The following PCGF3 variants were observed in gnomAD, a reference collection of about 807,000 sequenced individuals.
PCGF3 encodes the protein polycomb group RING finger protein 3.
Under a neutral mutation model 33.1 loss-of-function variants are expected in PCGF3, and 7 were observed. That is an observed-to-expected ratio of 0.21 (90% CI 0.12 to 0.40). The LOEUF (loss-of-function observed/expected upper bound fraction) is 0.40. Ranked by LOEUF, PCGF3 falls within the 10% of genes least tolerant of loss-of-function variation. The pLI is 1.00. For synonymous variants in PCGF3, 153 were observed against 121.3 expected, an observed-to-expected ratio of 1.26 and a Z score of -1.72; for missense variants, 211 against 313.3, an observed-to-expected ratio of 0.67 and a Z score of 2.46.
chr4:743,400 G>A lies in PCGF3; in HGVS notation c.263-74G>A, dbSNP rs910982937. 7.2e-6 allele frequency: 6 copies of A among 830,408 alleles called. No homozygotes were observed. In the African/African-American group the frequency reaches 1.0e-4, roughly 14 times the overall value. 51.4% of individuals were successfully genotyped at this position (830,408 alleles called of 1,614,324 possible). A position where few individuals can be genotyped will look rare whatever the true frequency, so the allele number is the denominator to read the frequency against. ...AATGCAAATCCCTAATTTTCTTTAT[G>A]TGATGTTTATGAACAGAAGTTTAAT... On this transcript the variant is annotated intron_variant, in intron 6 of 10. Transcript: ENST00000362003.
At chr4:734,998 C>A (rs1317432133) in exon 5 of PCGF3, 10 of 1,613,038 alleles carry the variant, frequency 6.2e-6, no homozygotes, top group Non-Finnish European at 7.6e-6. Flanking sequence ...GGATTGTGAT[C>A]CACCAGAGCC....
intron 6 of PCGF3, 100 bp downstream of exon 6, chr4:737,621 C>A: frequency 1.3e-6 from 1 of 754,576 alleles, no homozygotes; most frequent in East Asian, 2.5e-5. Flanking sequence ...GGCCCCTTTC[C>A]TTTTGGCCGA....
intron 8 of PCGF3, among the ~76,000 whole-genome samples, chr4:758,038 C>T (rs964168250): frequency 2.0e-5 from 3 of 151,804 alleles, no homozygotes; most frequent in South Asian, 2.1e-4. Context: ...CATGATGGTG[C>T]GCGCCTGTAG....
At chr4:708,227 C>T (rs1560192996) in intron 1 of PCGF3, among the ~76,000 whole-genome samples, 1 of 152,132 alleles carries the variant, frequency 6.6e-6, no homozygotes, top group Non-Finnish European at 1.5e-5. Flanking sequence ...GGTCGGGACA[C>T]TGGTGTGGAC....
At chr4:711,454 C>CTT (rs1248598317) in intron 1 of PCGF3, among the ~76,000 whole-genome samples, 11 of 82,886 alleles carry the variant, frequency 1.3e-4, no homozygotes, top group Non-Finnish European at 3.1e-4. Flanking sequence ...TTTTTTTTTT[C>CTT]TTTTTTTTTT....
chr4:749,234 G>A (rs950085361), intron 8 of PCGF3, among the ~76,000 whole-genome samples: 6 of 151,884 alleles, frequency 4.0e-5, no homozygotes, highest in Admixed American at 2.0e-4. Flanking sequence ...GCACGATCTC[G>A]GCTCACTGCA....
chr4:723,842 C>G (rs371924649), intron 1 of PCGF3: 1 of 152,498 alleles, frequency 6.6e-6, no homozygotes, highest in Non-Finnish European at 1.5e-5. Flanking sequence ...CCCACGGCAC[C>G]GCAGGCTGGC....
exon 11 of PCGF3, chr4:768,053 CATAAT>C (rs765779306): frequency 2.2e-4 from 33 of 152,786 alleles, no homozygotes; most frequent in Non-Finnish European, 3.4e-4. Context: ...GTAATAATCT[CATAAT>C]ATATATTTGT....
intron 8 of PCGF3, among the ~76,000 whole-genome samples, chr4:749,314 G>A (rs1179172002): frequency 2.0e-5 from 3 of 150,242 alleles, no homozygotes; most frequent in South Asian, 2.1e-4. Context: ...ACAGGCATGC[G>A]CCACCACGCC....
intron 6 of PCGF3, among the ~76,000 whole-genome samples, chr4:741,067 C>T (rs1744069378): frequency 6.6e-6 from 1 of 152,228 alleles, no homozygotes; most frequent in Non-Finnish European, 1.5e-5. Context: ...CCGACTTTCT[C>T]ATCCGTCATA....
chr4:732,319 C>G (rs1285029411), intron 3 of PCGF3: 1 of 156,272 alleles, frequency 6.4e-6, no homozygotes, highest in Non-Finnish European at 1.4e-5. Context: ...CCTCCCTACC[C>G]TCCCCTCCCC....
intron 8 of PCGF3, among the ~76,000 whole-genome samples, chr4:750,266 ACG>A (rs1744454571): frequency 6.6e-6 from 1 of 152,210 alleles, no homozygotes; most frequent in Admixed American, 6.5e-5. Flanking sequence ...CATTTGAGTA[ACG>A]TGGCCTTTTT....
intron 3 of PCGF3, among the ~76,000 whole-genome samples, chr4:733,210 T>G (rs1374162598): frequency 1.3e-5 from 2 of 152,102 alleles, no homozygotes; most frequent in Non-Finnish European, 2.9e-5. Flanking sequence ...CAGCCCAGAC[T>G]CTAAACTGGG....
At chr4:752,010 C>A (rs554668365) in intron 8 of PCGF3, among the ~76,000 whole-genome samples, 1 of 152,244 alleles carries the variant, frequency 6.6e-6, no homozygotes, top group Non-Finnish European at 1.5e-5. Context: ...AACGCAAAAG[C>A]GTGTCGGGTT....
At chr4:761,632 G>A (rs1745064358) in intron 9 of PCGF3, 1 of 978,704 alleles carries the variant, frequency 1.0e-6, no homozygotes, top group Admixed American at 6.2e-5. Flanking sequence ...ATGCTACTGT[G>A]AGTGGAAGAG....
intron 1 of PCGF3, among the ~76,000 whole-genome samples, chr4:725,459 A>G (rs916151622): frequency 1.3e-5 from 2 of 152,120 alleles, no homozygotes; most frequent in Non-Finnish European, 2.9e-5. Flanking sequence ...CATCTGACCC[A>G]GTGCATGGCG....
chr4:718,041 T>C (rs1408229895), intron 1 of PCGF3, among the ~76,000 whole-genome samples: 1 of 152,036 alleles, frequency 6.6e-6, no homozygotes, highest in Non-Finnish European at 1.5e-5. Flanking sequence ...CACAGCAGAT[T>C]GGTTTCTAGG....
intron 9 of PCGF3, chr4:762,800 GAC>G (rs1259396748): frequency 6.6e-6 from 1 of 152,352 alleles, no homozygotes; most frequent in Admixed American, 6.5e-5. Context: ...ATTGTTTGAA[GAC>G]ACCACCTCGT....
chr4:764,770 G>C, intron 9 of PCGF3: 1 of 533,814 alleles, frequency 1.9e-6, no homozygotes. Flanking sequence ...TGTTGCACTG[G>C]ATTTCCGTTC....
Sources: gnomAD v4.1 joint callset for allele counts (sites outside exome capture counted in the v4.1 genomes callset) on GRCh38, gnomAD v4.1.1 for gene constraint, MANE v1.5 for transcripts, NCBI Gene and HGNC (gene_info 2026-07-23, HGNC 2026-07-21) for gene names.